The following KLHL29 variants were observed in gnomAD, a reference collection of about 807,000 sequenced individuals.
KLHL29 encodes kelch-like protein 29.
Under a neutral mutation model 80.4 loss-of-function variants are expected in KLHL29, and 21 were observed. The observed-to-expected ratio is 0.26, with a 90% CI of 0.19 to 0.38. The LOEUF is 0.38. Ranked by LOEUF, KLHL29 falls within the 10% of genes least tolerant of loss-of-function variation. The pLI, the probability that KLHL29 is intolerant of heterozygous loss-of-function variation, is 1.00. For synonymous variants in KLHL29, 511 were observed against 526.8 expected (o/e 0.97, Z 0.41); for missense variants, 867 against 1,223.9 (o/e 0.71, Z 4.35).
Position 23,585,655 on chromosome 2 carries a change from C to T in KLHL29, c.285+23174C>T, listed in dbSNP as rs1296845505. On this transcript the variant is annotated intron_variant, in intron 3 of 13. Transcript: ENST00000486442. Reference sequence around the variant, plus strand: ...TTCTGCCCCCCAGGCTCCCCACCACCATGCCCACCCCTGCCAGCCTGCCCA... The same window carrying T: ...TTCTGCCCCCCAGGCTCCCCACCACTATGCCCACCCCTGCCAGCCTGCCCA... 2.6e-5 allele frequency among the ~76,000 whole-genome samples: 4 copies of T among 152,090 alleles called. No individual in the cohort carries two copies. The East Asian group carries it at 7.7e-4, about 29-fold the overall frequency.
At chr2:23,613,307 T>G (rs571370953) in intron 3 of KLHL29, among the ~76,000 whole-genome samples, 1 of 152,164 alleles carries the variant, frequency 6.6e-6, no homozygotes, top group East Asian at 1.9e-4. Flanking sequence ...TCTATGCTAT[T>G]TATAAAAAAC....
intron 4 of KLHL29, among the ~76,000 whole-genome samples, chr2:23,639,664 C>T (rs1051457619): frequency 9.9e-5 from 12 of 120,616 alleles, no homozygotes; most frequent in Non-Finnish European, 2.1e-4. Flanking sequence ...GGTGTTCTAC[C>T]CTCGGGGACT....
chr2:23,661,639 G>A (rs923221474), intron 5 of KLHL29, among the ~76,000 whole-genome samples: 1 of 152,374 alleles, frequency 6.6e-6, no homozygotes, highest in East Asian at 1.9e-4. Flanking sequence ...ACTCGTGGCC[G>A]AGTAGAGGTG....
intron 1 of KLHL29, among the ~76,000 whole-genome samples, chr2:23,431,652 G>A (rs985740611): frequency 2.0e-5 from 3 of 152,120 alleles, no homozygotes; most frequent in Non-Finnish European, 4.4e-5. Flanking sequence ...CAGCACTTTG[G>A]GAGGCCTAGG....
At chr2:23,490,094 A>T (rs539674468) in intron 2 of KLHL29, among the ~76,000 whole-genome samples, 18 of 152,332 alleles carry the variant, frequency 1.2e-4, no homozygotes, top group African/African-American at 3.8e-4. Flanking sequence ...GTGGGCGAGG[A>T]TGCGCGTGCA....
chr2:23,659,685 C>G lies in KLHL29; in HGVS notation c.940+16835C>G, dbSNP rs1462701700. ...ATCAGAGGAGGTGCCCTCACTCATA[C>G]CCAACTGTGCCCAGGGCTAAAGAGC... On this transcript the variant is annotated intron_variant, in intron 5 of 13. Coordinates refer to ENST00000486442, the MANE Select transcript of KLHL29 (RefSeq NM_052920.2). 1.3e-5 allele frequency among the ~76,000 whole-genome samples: 2 copies of G among 152,120 alleles called. 1 individual carries two copies. The highest frequency in any genetic ancestry group is 4.1e-4 in the South Asian group (2 of 4,828).
chr2:23,441,719 A>C (rs138635061), intron 1 of KLHL29, among the ~76,000 whole-genome samples: 9 of 152,284 alleles, frequency 5.9e-5, no homozygotes, highest in Admixed American at 4.6e-4. Context: ...TGGGAACTCA[A>C]CTGCTGCTGT....
intron 3 of KLHL29, among the ~76,000 whole-genome samples, chr2:23,598,695 G>A (rs1183832472): frequency 6.6e-6 from 1 of 152,230 alleles, no homozygotes; most frequent in African/African-American, 2.4e-5. Context: ...GGTGGCCCAG[G>A]GGAGGGCTTT....
intron 1 of KLHL29, among the ~76,000 whole-genome samples, chr2:23,448,199 G>A (rs1663765350): frequency 6.6e-6 from 1 of 152,082 alleles, no homozygotes. Flanking sequence ...TATACTAGAT[G>A]TCCCCAGTCC....
intron 3 of KLHL29, among the ~76,000 whole-genome samples, chr2:23,571,969 A>C (rs1667726888): frequency 6.6e-6 from 1 of 152,236 alleles, no homozygotes; most frequent in African/African-American, 2.4e-5. Context: ...TGCTAAAAGC[A>C]GCTGCAGTGA....
chr2:23,642,683 C>G lies in KLHL29; in HGVS notation c.773C>G (p.Ala258Gly). 1 of 1,547,990 alleles carries G rather than the reference C, an allele frequency of 6.5e-7. No individual in the cohort carries two copies. The highest frequency in any genetic ancestry group is 8.7e-7 in the Non-Finnish European group (1 of 1,145,510). Residue 258 changes from alanine to glycine, a missense_variant, in exon 5 of 14, where the codon GCA (alanine) becomes GGA (glycine). Physicochemically the swap from Ala to Gly is moderately conservative, Grantham distance 60. Coordinates refer to ENST00000486442, the MANE Select transcript of KLHL29 (RefSeq NM_052920.2). Reference sequence around the variant, plus strand: ...ACCGCTGTGGGCAACGGCCACATGGCAGGGCCCCTGCTGCCTCCACCGCCG... The same window carrying G: ...ACCGCTGTGGGCAACGGCCACATGGGAGGGCCCCTGCTGCCTCCACCGCCG... ...GPTAVGNGHM[A>G]GPLLPPPPPA...
intron 4 of KLHL29, 144 bp from the exon 5 acceptor site, chr2:23,642,194 C>A: frequency 2.7e-6 from 2 of 730,396 alleles, no homozygotes; most frequent in Non-Finnish European, 4.0e-6. Flanking sequence ...CTGCCATGAT[C>A]ACAGATTCCT....
At chr2:23,574,971 C>T (rs1292294757) in intron 3 of KLHL29, among the ~76,000 whole-genome samples, 1 of 152,090 alleles carries the variant, frequency 6.6e-6, no homozygotes, top group African/African-American at 2.4e-5. Context: ...GGTGGCCCAG[C>T]CCCCAGGGAA....
Position 23,597,343 on chromosome 2 carries a change from G to GTGTATATGTA in KLHL29, c.285+34867_285+34868insATGTATGTAT, listed in dbSNP as rs1558402722. Among the ~76,000 whole-genome samples the GTGTATATGTA allele has an allele frequency of 1.9e-3, 258 of 134,444 alleles. 4 individuals carry two copies. Among genetic ancestry groups the GTGTATATGTA allele is most frequent in the African/African-American group, 7.0e-3 (243 of 34,628 alleles). 88.2% of individuals were successfully genotyped at this position (134,444 alleles called of 152,430 possible). ...TGTGTGTGTGTGTGTGTGTGTGTGT[G>GTGTATATGTA]TGTATGTATATGTGTATGTATATAT... On this transcript the variant is annotated intron_variant, in intron 3 of 13. Coordinates refer to ENST00000486442, the MANE Select transcript of KLHL29 (RefSeq NM_052920.2).
intron 2 of KLHL29, among the ~76,000 whole-genome samples, chr2:23,479,190 C>T (rs552099061): frequency 7.9e-5 from 12 of 151,620 alleles, no homozygotes; most frequent in Non-Finnish European, 1.3e-4. Flanking sequence ...GCAGCCCCTT[C>T]TTCAAATAGG....
In KLHL29 at chr2:23,457,053, G is replaced by A. The variant is rs1400673836; in HGVS notation, c.-153-18507G>A. 1.3e-5 allele frequency among the ~76,000 whole-genome samples: 2 copies of A among 152,226 alleles called. No individual in the cohort carries two copies. Among genetic ancestry groups the A allele is most frequent in the Non-Finnish European group, 2.9e-5 (2 of 68,048 alleles). On this transcript the variant is annotated intron_variant, in intron 1 of 13. Transcript: ENST00000486442. This position sits in a 1 kb window ranked among gnomAD's most constrained non-coding sequence, Gnocchi z 4.3. ...GGAGCAGCAGAGGTCGAGGCCTTCC[G>A]AGGCCCCTCCCCAGGCATCTGCTGA...
chr2:23,420,012 G>A (rs538084461), intron 1 of KLHL29, among the ~76,000 whole-genome samples: 27 of 152,276 alleles, frequency 1.8e-4, no homozygotes, highest in East Asian at 1.5e-3. Context: ...GCTTTCACTC[G>A]TGGAATGCCT....
At chr2:23,406,407 CTTTTGCTTT>C (rs1308756366) in intron 1 of KLHL29, among the ~76,000 whole-genome samples, 1 of 151,540 alleles carries the variant, frequency 6.6e-6, no homozygotes, top group East Asian at 1.9e-4. Context: ...GTCCTCCAGT[CTTTTGCTTT>C]GCATTTTCAC....
chr2:23,394,635 A>C (rs150397900), intron 1 of KLHL29, among the ~76,000 whole-genome samples: 2 of 152,352 alleles, frequency 1.3e-5, no homozygotes, highest in Non-Finnish European at 2.9e-5. Context: ...TAAATTGCTT[A>C]TTTGAATAAA....
Sources: allele counts gnomAD v4.1 joint callset (sites outside exome capture counted in the v4.1 genomes callset), GRCh38; gene constraint gnomAD v4.1.1; non-coding constraint Gnocchi (gnomAD v3.1); transcripts MANE v1.5; gene names NCBI Gene and HGNC (gene_info 2026-07-23, HGNC 2026-07-21).